The following TEX9 variants were observed in gnomAD, a reference collection of about 807,000 sequenced individuals.
The protein encoded by TEX9 is testis expressed 9, also known as testis-expressed protein 9.
In TEX9, 74 loss-of-function variants were observed where a neutral mutation model predicts 59.6. The observed-to-expected ratio is 1.24, with a 90% CI of 1.03 to 1.51. TEX9 has a LOEUF of 1.51. TEX9 is among the 40% of genes most tolerant of loss of function. The pLI, the probability that TEX9 is intolerant of heterozygous loss-of-function variation, is 0.00. For missense variants in TEX9, 522 were observed against 447.8 expected, an observed-to-expected ratio of 1.17 and a Z score of -1.49; for synonymous variants, 186 against 152.2, an observed-to-expected ratio of 1.22 and a Z score of -1.64.
At chr15:56,365,737 T>G (rs1265095903) in intron 2 of TEX9, 67 bp downstream of exon 2, 3 of 1,596,714 alleles carry the variant, frequency 1.9e-6, no homozygotes, top group Non-Finnish European at 2.6e-6. Context: ...TACAAGTACT[T>G]TTTTCTGGAG....
upstream of TEX9, among the ~76,000 whole-genome samples, chr15:56,360,519 T>A (rs759238102): frequency 6.6e-6 from 1 of 152,248 alleles, no homozygotes; most frequent in African/African-American, 2.4e-5. Context: ...TCCTTTATTA[T>A]CCTTTTAATT....
chr15:56,398,502 C>T (rs985323620), intron 9 of TEX9, among the ~76,000 whole-genome samples: 5 of 152,100 alleles, frequency 3.3e-5, no homozygotes, highest in South Asian at 2.1e-4. Context: ...TACCATTTAC[C>T]GTTATGCACC....
At chr15:56,457,113 A>G in the TEX9 span, among the ~76,000 whole-genome samples, 1 of 152,150 alleles carries the variant, frequency 6.6e-6, no homozygotes, top group Non-Finnish European at 1.5e-5. Context: ...TCTCTTATAT[A>G]TTCTGTAACA....
At chr15:56,382,129 T>G (rs942958165) in intron 3 of TEX9, among the ~76,000 whole-genome samples, 2 of 152,202 alleles carry the variant, frequency 1.3e-5, no homozygotes, top group Admixed American at 1.3e-4. Flanking sequence ...CCTCTCCTTG[T>G]GGTCACCACC....
intron 12 of TEX9, among the ~76,000 whole-genome samples, chr15:56,435,244 C>A (rs544313123): frequency 1.9e-4 from 29 of 151,960 alleles, no homozygotes; most frequent in Non-Finnish European, 3.8e-4. Flanking sequence ...AATCGATAAT[C>A]TAAGCCCCCA....
At chr15:56,348,741 T>C (rs1567094280) in intron 1 of TEX9, among the ~76,000 whole-genome samples, 1 of 152,120 alleles carries the variant, frequency 6.6e-6, no homozygotes, top group Non-Finnish European at 1.5e-5. Context: ...TTTATACTGC[T>C]TGGTGTTCAC....
At chr15:56,256,831 C>T (rs1171807317) in intron 1 of TEX9, among the ~76,000 whole-genome samples, 1 of 152,002 alleles carries the variant, frequency 6.6e-6, no homozygotes, top group Non-Finnish European at 1.5e-5. Flanking sequence ...ACGTTTGTTA[C>T]ATAGGTAAAT....
In TEX9 at chr15:56,312,516, G is replaced by C. The variant is rs1302232641; in HGVS notation, c.-106-60925G>C. 2.8e-3 allele frequency among the ~76,000 whole-genome samples: 412 copies of C among 149,368 alleles called. 18 individuals carry two copies. Among genetic ancestry groups the C allele is most frequent in the African/African-American group, 9.9e-3 (392 of 39,790 alleles). Reference sequence around the variant, plus strand: ...TCCATTGATCTATATCTCTGTTTTGGTACCAGTACCATGCTCTTTTGGTTA... The same window carrying C: ...TCCATTGATCTATATCTCTGTTTTGCTACCAGTACCATGCTCTTTTGGTTA... On this transcript the variant is annotated intron_variant, in intron 1 of 5. Coordinates refer to the TEX9 transcript ENST00000560827.
chr15:56,428,984 T>C (rs2050465952), intron 12 of TEX9: 4 of 577,442 alleles, frequency 6.9e-6, no homozygotes, highest in East Asian at 3.2e-5. Context: ...TCAGTGATGA[T>C]TTACAAAATC....
intron 3 of TEX9, among the ~76,000 whole-genome samples, chr15:56,376,616 T>C (rs149023238): frequency 2.3e-4 from 35 of 152,126 alleles, no homozygotes; most frequent in African/African-American, 8.0e-4. Context: ...GATTATTAGA[T>C]TTTTTTTCCT....
chr15:56,418,618 T>G (rs1456288593), intron 10 of TEX9, among the ~76,000 whole-genome samples: 2 of 151,560 alleles, frequency 1.3e-5, no homozygotes, highest in Non-Finnish European at 2.9e-5. Flanking sequence ...ACCACTGCAC[T>G]CCAGCCTGGG....
exon 10 of TEX9, chr15:56,412,350 A>T: frequency 6.2e-7 from 1 of 1,613,490 alleles, no homozygotes; most frequent in Non-Finnish European, 8.5e-7. Flanking sequence ...AAGTAGTCAA[A>T]GTGCCACAGA....
Position 56,261,678 on chromosome 15 carries a change from T to C in TEX9, c.-107+17400T>C, listed in dbSNP as rs773179930. Among the ~76,000 whole-genome samples, 6 of 152,126 alleles carry C rather than the reference T, an allele frequency of 3.9e-5. No individual in the cohort carries two copies. The East Asian group carries it at 5.8e-4, about 15-fold the overall frequency. ...GTTGCAGTGAGCTAAGCTAACGCCATTGCACTCCAGCCTGGGCAATAGAGC... is the reference window on the plus strand; with the variant it reads ...GTTGCAGTGAGCTAAGCTAACGCCACTGCACTCCAGCCTGGGCAATAGAGC... On this transcript the variant is annotated intron_variant, in intron 1 of 5. Transcript: ENST00000560827.
At chr15:56,323,436 CAA>C (rs1241619726) in intron 1 of TEX9, 3 of 162,874 alleles carry the variant, frequency 1.8e-5, no homozygotes, top group African/African-American at 7.2e-5. Flanking sequence ...GCCCAGAAGT[CAA>C]AAGAGAACAT....
chr15:56,431,232 G>C (rs185174237), intron 12 of TEX9: 7 of 867,640 alleles, frequency 8.1e-6, no homozygotes, highest in Admixed American at 8.0e-5. Flanking sequence ...GAGAGGTTCA[G>C]TGCCTGGACA....
intron 10 of TEX9, among the ~76,000 whole-genome samples, chr15:56,416,857 G>T (rs908217362): frequency 6.6e-5 from 10 of 151,692 alleles, no homozygotes; most frequent in Non-Finnish European, 1.2e-4. Context: ...TGATTGGTAG[G>T]CTATTTATTA....
intron 1 of TEX9, among the ~76,000 whole-genome samples, chr15:56,288,970 G>GGTTA (rs1215548897): frequency 6.6e-6 from 1 of 151,810 alleles, no homozygotes; most frequent in African/African-American, 2.4e-5. Flanking sequence ...CTTTATTTCA[G>GGTTA]TTCCCTGATT....
At chr15:56,425,459 C>G (rs551862310) in intron 10 of TEX9, among the ~76,000 whole-genome samples, 4 of 152,274 alleles carry the variant, frequency 2.6e-5, no homozygotes, top group Non-Finnish European at 5.9e-5. Flanking sequence ...TGTCTGAAAG[C>G]TCACTCATTC....
intron 1 of TEX9, among the ~76,000 whole-genome samples, chr15:56,345,502 T>A (rs1329278633): frequency 1.3e-5 from 2 of 152,164 alleles, no homozygotes; most frequent in Non-Finnish European, 2.9e-5. Context: ...TTGCCCAAGC[T>A]ACACTCAAAC....
Sources: gnomAD v4.1 joint callset for allele counts (sites outside exome capture counted in the v4.1 genomes callset) on GRCh38, gnomAD v4.1.1 for gene constraint, MANE v1.5 for transcripts, NCBI Gene and HGNC (gene_info 2026-07-23, HGNC 2026-07-21) for gene names.